Variants in MAST2 observed in about 807,000 individuals in gnomAD.
The protein encoded by MAST2 is microtubule associated serine/threonine kinase 2.
Under a neutral mutation model 147.4 loss-of-function variants are expected in MAST2, and 70 were observed. The ratio of observed to expected loss-of-function variants is 0.47; its 90% CI spans 0.39 to 0.58. The LOEUF is 0.58. MAST2 is among the 20% of genes least tolerant of loss of function. The probability of loss-of-function intolerance (pLI) is 0.00; values close to 1 mark genes in which losing one functional copy is unlikely to be tolerated. For missense variants in MAST2, 2,080 were observed against 2,302.3 expected, an observed-to-expected ratio of 0.90 and a Z score of 1.98; for synonymous variants, 869 against 896.8, an observed-to-expected ratio of 0.97 and a Z score of 0.55.
chr1:45,853,366 TG>T (rs1463383907), intron 3 of MAST2, among the ~76,000 whole-genome samples: 7 of 152,158 alleles, frequency 4.6e-5, no homozygotes, highest in African/African-American at 7.2e-5. Context: ...AAATAATTAT[TG>T]TTTTTTTTTG....
Position 46,035,441 on chromosome 1 carries a change from AGG to A in MAST2, c.4773_4774del (p.Glu1591AspfsTer23). The A allele has an allele frequency of 2.5e-6, 4 of 1,613,094 alleles. No homozygotes were observed. Among genetic ancestry groups the A allele is most frequent in the Non-Finnish European group, 3.4e-6 (4 of 1,179,832 alleles). ...CTCGGGAGCCCACAAGCCATTGAGG[AGG>A]CTGCCAGCTCCTCCTCAGCAGGCCC... On this transcript the variant is annotated frameshift_variant, in exon 29 of 29. Transcript: ENST00000361297. LOFTEE classifies it low-confidence loss of function (END_TRUNC). This position sits in a 1 kb window ranked among gnomAD's most constrained non-coding sequence, Gnocchi z 5.5.
chr1:45,950,219 A>G (rs1230602545), intron 4 of MAST2, among the ~76,000 whole-genome samples: 1 of 151,246 alleles, frequency 6.6e-6, no homozygotes, highest in African/African-American at 2.4e-5. Context: ...CTAAAAAATA[A>G]TAATAATAAC....
chr1:45,823,203 CTTTTTTTTTTT>C (rs774121918), intron 1 of MAST2, among the ~76,000 whole-genome samples: 1 of 136,172 alleles, frequency 7.3e-6, no homozygotes, highest in African/African-American at 2.7e-5. Context: ...GAATTTTTTT[CTTTTTTTTTTT>C]TTTAATCTTA....
At chr1:45,992,448 G>T (rs1003680305) in intron 5 of MAST2, among the ~76,000 whole-genome samples, 1 of 152,076 alleles carries the variant, frequency 6.6e-6, no homozygotes. Context: ...TTCTAATATT[G>T]AGAATTTTTG....
At chr1:45,911,031 A>G (rs933807963) in intron 4 of MAST2, among the ~76,000 whole-genome samples, 2 of 152,084 alleles carry the variant, frequency 1.3e-5, no homozygotes, top group African/African-American at 4.8e-5. Flanking sequence ...TGTGTGTGTT[A>G]TTTTGCAGGA....
intron 4 of MAST2, among the ~76,000 whole-genome samples, chr1:45,912,853 C>G (rs1651889488): frequency 6.6e-6 from 1 of 152,156 alleles, no homozygotes; most frequent in African/African-American, 2.4e-5. Flanking sequence ...ATAGCTAACA[C>G]TTTTATAGTG....
intron 1 of MAST2, among the ~76,000 whole-genome samples, chr1:45,820,277 A>G (rs932915092): frequency 2.0e-5 from 3 of 152,242 alleles, no homozygotes; most frequent in Non-Finnish European, 4.4e-5. Flanking sequence ...GAAACTTGCT[A>G]GGACATTGGT....
rs138707024 is a variant in MAST2, at chr1:45,861,003, T to G, written c.469-21361T>G. ...TCATACCTCTGAAATGTTCCTTCAC[T>G]AAAATCGTAACTCTAGGTAACCTCC... On this transcript the variant is annotated intron_variant, in intron 3 of 28. Coordinates refer to ENST00000361297, the MANE Select transcript of MAST2 (RefSeq NM_015112.3). Among the ~76,000 whole-genome samples the G allele has an allele frequency of 3.1e-3, 467 of 152,336 alleles. 2 individuals carry two copies. Among genetic ancestry groups the G allele is most frequent in the Non-Finnish European group, 4.4e-3 (302 of 68,028 alleles).
chr1:45,850,314 G>C (rs1228045710), intron 3 of MAST2, among the ~76,000 whole-genome samples: 1 of 152,074 alleles, frequency 6.6e-6, no homozygotes, highest in African/African-American at 2.4e-5. Context: ...TTGTTTAATT[G>C]TTTAAGTTCT....
intron 3 of MAST2, among the ~76,000 whole-genome samples, chr1:45,851,109 T>A (rs1326169553): frequency 1.3e-5 from 2 of 152,174 alleles, no homozygotes; most frequent in Admixed American, 6.5e-5. Context: ...ATGAAATTTT[T>A]TTCCTTTTGT....
intron 5 of MAST2, among the ~76,000 whole-genome samples, chr1:45,971,976 C>A (rs1643930016): frequency 6.6e-6 from 1 of 152,148 alleles, no homozygotes; most frequent in Non-Finnish European, 1.5e-5. Flanking sequence ...TATTCTGGAA[C>A]TAAGAGTGTG....
intron 4 of MAST2, 131 bp from the exon 5 acceptor site, chr1:45,959,255 C>T (rs1342227527): frequency 1.6e-6 from 1 of 612,158 alleles, no homozygotes; most frequent in Non-Finnish European, 2.9e-6. Flanking sequence ...AATTGCTGAC[C>T]CAGTTCAGTT....
chr1:45,852,309 G>A lies in MAST2; in HGVS notation c.468+22728G>A, dbSNP rs150766776. Among the ~76,000 whole-genome samples the A allele has an allele frequency of 4.5e-3, 677 of 152,074 alleles. 1 individual carries two copies. The highest frequency in any genetic ancestry group is 0.015 in the African/African-American group (642 of 41,482). Reference sequence around the variant, plus strand: ...CCTTTTATATTTGCACTCCCACCCCGTCTTTATCTTCTTGCAACCACTAAT... The same window carrying A: ...CCTTTTATATTTGCACTCCCACCCCATCTTTATCTTCTTGCAACCACTAAT... On this transcript the variant is annotated intron_variant, in intron 3 of 28. Transcript: ENST00000361297.
At chr1:45,968,763 T>A (rs1643752485) in intron 5 of MAST2, among the ~76,000 whole-genome samples, 1 of 152,090 alleles carries the variant, frequency 6.6e-6, no homozygotes, top group African/African-American at 2.4e-5. Flanking sequence ...AAATTTTATG[T>A]CATTATTGCT....
At chr1:46,011,388 G>A (rs984536628) in intron 10 of MAST2, among the ~76,000 whole-genome samples, 3 of 152,214 alleles carry the variant, frequency 2.0e-5, no homozygotes, top group African/African-American at 7.2e-5. Context: ...CCATTTGCAT[G>A]GTGAGAAGTT....
chr1:45,852,063 T>G (rs1250960201), intron 3 of MAST2, among the ~76,000 whole-genome samples: 1 of 152,210 alleles, frequency 6.6e-6, no homozygotes, highest in Non-Finnish European at 1.5e-5. Context: ...AGTGTCATCT[T>G]ATATAGCTAT....
intron 4 of MAST2, among the ~76,000 whole-genome samples, chr1:45,919,857 T>C (rs898343776): frequency 1.3e-5 from 2 of 152,158 alleles, no homozygotes; most frequent in African/African-American, 2.4e-5. Context: ...TTCATTCCAT[T>C]CTTCTTTTGT....
intron 1 of MAST2, among the ~76,000 whole-genome samples, chr1:45,815,326 C>T (rs1445169882): frequency 2.0e-5 from 3 of 151,946 alleles, no homozygotes; most frequent in Non-Finnish European, 2.9e-5. Flanking sequence ...CATGCCATCA[C>T]ACCCAGCTAA....
chr1:45,824,133 A>G (rs963246811), intron 1 of MAST2, among the ~76,000 whole-genome samples: 2 of 152,170 alleles, frequency 1.3e-5, no homozygotes, highest in African/African-American at 4.8e-5. Flanking sequence ...GGATAAACAT[A>G]AATAAACTTA....
Sources: allele counts gnomAD v4.1 joint callset (sites outside exome capture counted in the v4.1 genomes callset), GRCh38; gene constraint gnomAD v4.1.1; non-coding constraint Gnocchi (gnomAD v3.1); transcripts MANE v1.5; gene names NCBI Gene and HGNC (gene_info 2026-07-23, HGNC 2026-07-21).